The following UTY variants were observed in gnomAD, a reference collection of about 807,000 sequenced individuals.
The protein encoded by UTY is ubiquitously transcribed tetratricopeptide repeat containing, Y-linked, also known as histone demethylase UTY.
UTY carries 12 observed loss-of-function variants against 32.5 expected under a neutral mutation model. The ratio of observed to expected loss-of-function variants is 0.37; its 90% CI spans 0.24 to 0.60. UTY has a LOEUF of 0.60. UTY is among the 20% of genes least tolerant of loss of function. The pLI, the probability that UTY is intolerant of heterozygous loss-of-function variation, is 0.69. For missense variants in UTY, 303 were observed against 299.2 expected (o/e 1.01, Z -0.09); for synonymous variants, 131 against 103.4 (o/e 1.27, Z -1.62).
chrY:13,429,927 T>C (rs2073814075), intron 4 of UTY, among the ~76,000 whole-genome samples: 1 of 33,847 alleles, frequency 3.0e-5, no homozygotes, highest in South Asian at 6.6e-4. Context: ...GGGCCATGTG[T>C]GTCAGGAATA....
At chrY:13,355,700 A>T in intron 16 of UTY, 2 of 346,120 alleles carry the variant, frequency 5.8e-6, no homozygotes, top group Non-Finnish European at 7.8e-6. Flanking sequence ...ATTCTTGTCA[A>T]ATCCTTCAAA....
At chrY:13,408,169 C>T (rs2070338788) in intron 6 of UTY, among the ~76,000 whole-genome samples, 1 of 32,477 alleles carries the variant, frequency 3.1e-5, no homozygotes, top group Non-Finnish European at 7.7e-5. Flanking sequence ...GGAAATTTTG[C>T]CCTTTTCCAT....
At chrY:13,478,715 T>A in intron 2 of UTY, among the ~76,000 whole-genome samples, 1 of 33,423 alleles carries the variant, frequency 3.0e-5, no homozygotes, top group Non-Finnish European at 7.4e-5. Context: ...TTTGCAGCAC[T>A]GTGCATCCTA....
At chrY:13,359,706 C>T in intron 12 of UTY, 61 bp downstream of exon 12, 1 of 291,637 alleles carries the variant, frequency 3.4e-6, no homozygotes, top group Non-Finnish European at 5.0e-6. Context: ...AGCCACCCTT[C>T]TCCTGCCAAT....
At chrY:13,425,887 C>A in intron 4 of UTY, among the ~76,000 whole-genome samples, 1 of 33,552 alleles carries the variant, frequency 3.0e-5, no homozygotes, top group Non-Finnish European at 7.4e-5. Context: ...AAGGTCTAAA[C>A]CACCAAAGAA....
At chrY:13,273,694 A>AT (rs2056445187) in intron 27 of UTY, among the ~76,000 whole-genome samples, 1 of 32,145 alleles carries the variant, frequency 3.1e-5, no homozygotes, top group Non-Finnish European at 7.6e-5. Context: ...CTTTTCACTA[A>AT]TTTTTTTAAG....
At chrY:13,322,434 C>T in intron 21 of UTY, among the ~76,000 whole-genome samples, 2 of 32,574 alleles carry the variant, frequency 6.1e-5, no homozygotes, top group African/African-American at 2.4e-4. Context: ...TACAGGCACC[C>T]GCCACCACAC....
intron 4 of UTY, among the ~76,000 whole-genome samples, chrY:13,436,967 G>GACAC (rs774903488): frequency 6.8e-3 from 165 of 24,140 alleles, no homozygotes; most frequent in South Asian, 0.025. Flanking sequence ...AAGCAAAAGA[G>GACAC]ACACACACAC....
chrY:13,366,456 T>C, intron 9 of UTY, 63 bp from the exon 10 acceptor site: 2 of 270,657 alleles, frequency 7.4e-6, no homozygotes, highest in Non-Finnish European at 5.0e-6. Flanking sequence ...AAGAAAATCA[T>C]GCAGGAAACA....
intron 18 of UTY, among the ~76,000 whole-genome samples, chrY:13,330,585 G>A: frequency 3.0e-5 from 1 of 33,774 alleles, no homozygotes; most frequent in African/African-American, 1.2e-4. Flanking sequence ...AAAACTGAGC[G>A]GCTGTTTGGG....
chrY:13,417,770 T>A, intron 4 of UTY, among the ~76,000 whole-genome samples: 1 of 33,880 alleles, frequency 3.0e-5, no homozygotes, highest in Admixed American at 2.6e-4. Context: ...ACACATCACA[T>A]GAGGCTGGCT....
At chrY:13,293,339 C>T (rs2057859569) in intron 27 of UTY, among the ~76,000 whole-genome samples, 4 of 32,084 alleles carry the variant, frequency 1.2e-4, no homozygotes, top group Non-Finnish European at 3.1e-4. Flanking sequence ...TTTTTTGAGG[C>T]GGAGTCTCAC....
chrY:13,307,913 A>G (rs777581685), intron 21 of UTY, among the ~76,000 whole-genome samples: 1 of 33,094 alleles, frequency 3.0e-5, no homozygotes, highest in East Asian at 7.7e-4. Flanking sequence ...GAGATGGTAT[A>G]TAAGCATCAG....
chrY:13,302,401 C>T, intron 25 of UTY, among the ~76,000 whole-genome samples: 1 of 33,787 alleles, frequency 3.0e-5, no homozygotes, highest in Non-Finnish European at 7.4e-5. Flanking sequence ...CAATTCACAC[C>T]TATTACCACG....
chrY:13,309,549 C>T (rs763206072), intron 21 of UTY, among the ~76,000 whole-genome samples: 27 of 32,482 alleles, frequency 8.3e-4, no homozygotes, highest in African/African-American at 3.3e-3. Flanking sequence ...TGAGATCACG[C>T]CACTGCACTG....
At chrY:13,286,754 A>AG (rs2057389250) in intron 27 of UTY, 12 of 356,175 alleles carry the variant, frequency 3.4e-5, no homozygotes, top group South Asian at 1.8e-4. Context: ...GCCTTACATC[A>AG]GTAGCTGTCA....
At chrY:13,471,842 G>A (rs751277623) in intron 2 of UTY, among the ~76,000 whole-genome samples, 6 of 31,944 alleles carry the variant, frequency 1.9e-4, no homozygotes, top group Admixed American at 1.7e-3. Context: ...AAAAGAGGAG[G>A]ACGAAAGGGA....
At chrY:13,316,045 T>G (rs2148880296) in intron 21 of UTY, among the ~76,000 whole-genome samples, 3 of 33,519 alleles carry the variant, frequency 9.0e-5, no homozygotes, top group Admixed American at 5.4e-4. Context: ...TCCTCAATCT[T>G]GGCAAAATAA....
At chrY:13,397,028 A>G in intron 6 of UTY, 56 bp from the exon 7 acceptor site, 2 of 198,477 alleles carry the variant, frequency 1.0e-5, no homozygotes, top group African/African-American at 1.7e-4. Flanking sequence ...ATAAAAGTAC[A>G]TTTTCTATTT....
Sources: allele counts gnomAD v4.1 joint callset (sites outside exome capture counted in the v4.1 genomes callset), GRCh38; gene constraint gnomAD v4.1.1; transcripts MANE v1.5; gene names NCBI Gene and HGNC (gene_info 2026-07-23, HGNC 2026-07-21).